Variants in NR3C2 observed in about 807,000 individuals in gnomAD.
NR3C2 encodes mineralocorticoid receptor.
A neutral mutation model predicts 86.4 loss-of-function variants in NR3C2; 15 were observed. The observed-to-expected ratio is 0.17, with a 90% CI of 0.12 to 0.27. NR3C2 has a LOEUF of 0.27. Among genes scored for constraint, NR3C2 ranks in the 10% least tolerant of loss-of-function variants. NR3C2 has a pLI of 1.00. For missense variants in NR3C2, 960 were observed against 1,195.6 expected (o/e 0.80, Z 2.91); for synonymous variants, 458 against 450.5 (o/e 1.02, Z -0.21).
intron 2 of NR3C2, among the ~76,000 whole-genome samples, chr4:148,285,552 C>T (rs1231540350): frequency 1.3e-5 from 2 of 151,992 alleles, no homozygotes; most frequent in South Asian, 4.1e-4. Flanking sequence ...ACTAAAAACA[C>T]AAAAATTATT....
intron 4 of NR3C2, among the ~76,000 whole-genome samples, chr4:148,190,262 T>A (rs1180235742): frequency 6.6e-6 from 1 of 152,188 alleles, no homozygotes; most frequent in Non-Finnish European, 1.5e-5. Flanking sequence ...TTTGAAGAAT[T>A]TTTAAATTGC....
intron 2 of NR3C2, among the ~76,000 whole-genome samples, chr4:148,319,739 CTT>C (rs1178034279): frequency 6.6e-6 from 1 of 150,822 alleles, no homozygotes; most frequent in Non-Finnish European, 1.5e-5. Flanking sequence ...TATCCTGAGA[CTT>C]TGCTGAAGTT....
chr4:148,327,432 CA>C (rs1744025682), intron 2 of NR3C2, among the ~76,000 whole-genome samples: 1 of 152,048 alleles, frequency 6.6e-6, no homozygotes, highest in Non-Finnish European at 1.5e-5. Context: ...AATCTAAAAA[CA>C]AAAACAAAAA....
At chr4:148,117,660 A>T (rs1732332904) in intron 7 of NR3C2, among the ~76,000 whole-genome samples, 1 of 152,184 alleles carries the variant, frequency 6.6e-6, no homozygotes, top group Admixed American at 6.5e-5. Context: ...GTAAAGCAGG[A>T]TGTTACCCAT....
intron 2 of NR3C2, among the ~76,000 whole-genome samples, chr4:148,283,350 A>G (rs1012185803): frequency 1.3e-5 from 2 of 152,220 alleles, no homozygotes; most frequent in Non-Finnish European, 1.5e-5. Context: ...AAACTTTTAA[A>G]TAAATGATAC....
At chr4:148,442,560 TC>T (rs1250191117), upstream of NR3C2, 6 of 769,402 alleles carry the variant, frequency 7.8e-6, no homozygotes, top group Non-Finnish European at 9.5e-6. Flanking sequence ...CAGGTTGCTA[TC>T]CCGCCCCCCT....
intron 3 of NR3C2, among the ~76,000 whole-genome samples, chr4:148,199,546 C>T (rs2149806844): frequency 6.6e-6 from 1 of 152,178 alleles, no homozygotes; most frequent in African/African-American, 2.4e-5. Flanking sequence ...AAAGGTGAGC[C>T]TGGGAGACTG....
chr4:148,440,104 C>G (rs2126667293), intron 1 of NR3C2, among the ~76,000 whole-genome samples: 1 of 152,328 alleles, frequency 6.6e-6, no homozygotes, highest in Non-Finnish European at 1.5e-5. Context: ...ATGCACCTCT[C>G]AACAAAGGAA....
intron 2 of NR3C2, among the ~76,000 whole-genome samples, chr4:148,352,666 A>C (rs1745352546): frequency 6.6e-6 from 1 of 152,180 alleles, no homozygotes; most frequent in African/African-American, 2.4e-5. Flanking sequence ...TCAAGTTTAA[A>C]CAACAACGAA....
At chr4:148,396,309 TAAAACTTG>T (rs2126512792) in intron 2 of NR3C2, among the ~76,000 whole-genome samples, 1 of 152,288 alleles carries the variant, frequency 6.6e-6, no homozygotes, top group South Asian at 2.1e-4. Flanking sequence ...TTACGAGTAA[TAAAACTTG>T]AAATAGTTGT....
chr4:148,444,816 G>C, upstream of NR3C2: 1 of 985,026 alleles, frequency 1.0e-6, no homozygotes, highest in Non-Finnish European at 1.2e-6. Context: ...CCCTCTCCCG[G>C]GGCTGCGCGT....
intron 4 of NR3C2, among the ~76,000 whole-genome samples, chr4:148,179,125 C>T (rs1413691965): frequency 2.0e-5 from 3 of 151,168 alleles, no homozygotes; most frequent in Non-Finnish European, 4.4e-5. Flanking sequence ...GAACAAAAAC[C>T]ACAAAACGAT....
intron 3 of NR3C2, among the ~76,000 whole-genome samples, chr4:148,216,688 C>T (rs1379992443): frequency 6.6e-6 from 1 of 152,216 alleles, no homozygotes; most frequent in Non-Finnish European, 1.5e-5. Flanking sequence ...TTAAAAAAGA[C>T]ATTTCCCACA....
chr4:148,199,213 GAA>G (rs1273946467), intron 3 of NR3C2, among the ~76,000 whole-genome samples: 1 of 151,990 alleles, frequency 6.6e-6, no homozygotes, highest in Non-Finnish European at 1.5e-5. Flanking sequence ...GCCTCTAGAT[GAA>G]AAGAGTCCAG....
rs778506296 is a variant in NR3C2 at position 148,154,557 on chromosome 4, G to T, written c.2359C>A (p.Leu787Ile). 14 of 1,614,142 alleles carry T rather than the reference G, an allele frequency of 8.7e-6. No homozygotes were observed. In the South Asian group the frequency reaches 1.4e-4, roughly 16 times the overall value. Residue 787 changes from leucine to isoleucine, a missense_variant, in exon 5 of 9, where the codon CTT becomes ATT. Physicochemically the swap from Leu to Ile is conservative, Grantham distance 5 (BLOSUM62 2). This residue lies in a region of NR3C2 where 151 missense variants were observed against 296.3 expected (regional missense o/e 0.51). Coordinates refer to ENST00000358102, the MANE Select transcript of NR3C2 (RefSeq NM_000901.5). ...AAAGGAGAGGCAATCCTACCTGGAA[G>T]TACCTTTGCCCACTTCACGACTTGG... The part of the protein sequence containing the change: ...MIQVVKWAKV[L>I]PGFKNLPLED...
intron 2 of NR3C2, among the ~76,000 whole-genome samples, chr4:148,407,227 T>C (rs180797378): frequency 1.3e-5 from 2 of 152,324 alleles, no homozygotes; most frequent in Admixed American, 6.5e-5. Context: ...CACTACACAG[T>C]ACTCAAAGTC....
intron 2 of NR3C2, among the ~76,000 whole-genome samples, chr4:148,359,332 A>G (rs1745724581): frequency 1.3e-5 from 2 of 152,204 alleles, no homozygotes. Context: ...TGTAATTTTT[A>G]GAATGTATCA....
At chr4:148,194,405 C>T (rs540396197) in intron 4 of NR3C2, among the ~76,000 whole-genome samples, 5 of 152,254 alleles carry the variant, frequency 3.3e-5, no homozygotes, top group East Asian at 3.9e-4. Flanking sequence ...ACATATAGGT[C>T]TAATTTCTAA....
chr4:148,392,582 TCTTA>T (rs920358630), intron 2 of NR3C2, among the ~76,000 whole-genome samples: 2 of 152,130 alleles, frequency 1.3e-5, no homozygotes, highest in African/African-American at 2.4e-5. Flanking sequence ...CTAGCTCAGC[TCTTA>T]CTTACTGCTC....
Sources: gnomAD v4.1 joint callset for allele counts (sites outside exome capture counted in the v4.1 genomes callset) on GRCh38, gnomAD v4.1.1 for gene constraint, gnomAD v4.1.1 regional missense constraint, MANE v1.5 for transcripts, NCBI Gene and HGNC (gene_info 2026-07-23, HGNC 2026-07-21) for gene names.